FRK: variants seen among roughly 807,000 people sequenced by gnomAD.
The protein encoded by FRK is fyn related Src family tyrosine kinase, also known as tyrosine-protein kinase FRK.
Under a neutral mutation model 56.4 loss-of-function variants are expected in FRK, and 51 were observed. The observed-to-expected ratio is 0.90, with a 90% CI of 0.72 to 1.14. The LOEUF is 1.14. Ranked by LOEUF, FRK falls within the 50% of genes most tolerant of loss-of-function variation. The pLI, the probability that FRK is intolerant of heterozygous loss-of-function variation, is 0.00. For synonymous variants in FRK, 245 were observed against 217.9 expected, an observed-to-expected ratio of 1.12 and a Z score of -1.10; for missense variants, 570 against 601.4, an observed-to-expected ratio of 0.95 and a Z score of 0.55.
At position 116,013,556 on chromosome 6, in the gene FRK, C is replaced by A. The variant is rs554909871; in HGVS notation, c.345-9558G>T. ...AGTTGAAAGCTTTAATCATTAATTT[C>A]TATCTTTGTCACATCCAAAGAAAGT... On this transcript the variant is annotated intron_variant, in intron 1 of 7. Coordinates refer to ENST00000606080, the MANE Select transcript of FRK (RefSeq NM_002031.3). Among the ~76,000 whole-genome samples the A allele has an allele frequency of 5.9e-5, 9 of 152,270 alleles. No individual in the cohort carries two copies. The East Asian group carries it at 1.7e-3, about 29-fold the overall frequency.
intron 5 of FRK, among the ~76,000 whole-genome samples, chr6:115,952,882 T>A (rs1582639754): frequency 8.0e-6 from 1 of 125,146 alleles, no homozygotes; most frequent in East Asian, 2.4e-4. Flanking sequence ...TGAGAACACA[T>A]GGACACAAGA....
intron 1 of FRK, among the ~76,000 whole-genome samples, chr6:116,049,226 T>G (rs1439617360): frequency 6.6e-6 from 1 of 152,202 alleles, no homozygotes. Context: ...TTTCCAGATT[T>G]GTTTCCCATT....
intron 1 of FRK, among the ~76,000 whole-genome samples, chr6:116,022,194 G>T (rs1032797077): frequency 1.3e-5 from 2 of 151,976 alleles, no homozygotes; most frequent in Non-Finnish European, 1.5e-5. Context: ...TTCGCACAGA[G>T]AAAACTCCAT....
At chr6:116,024,365 C>A (rs1414402696) in intron 1 of FRK, among the ~76,000 whole-genome samples, 6 of 151,716 alleles carry the variant, frequency 4.0e-5, no homozygotes, top group Admixed American at 6.6e-5. Context: ...GCTGCACCCA[C>A]TAACTCGTCA....
intron 2 of FRK, among the ~76,000 whole-genome samples, chr6:115,972,540 G>T (rs775778518): frequency 2.0e-4 from 30 of 152,116 alleles, no homozygotes; most frequent in Non-Finnish European, 3.7e-4. Context: ...AAAGCAAAAT[G>T]CCATCAGCAA....
In FRK at chr6:115,932,276, G is replaced by C. The variant is rs1275068361; in HGVS notation, c.*10138C>G. On this transcript the variant is annotated 3_prime_UTR_variant, in exon 8 of 8. Transcript: ENST00000606080. The stretch of plus-strand genomic sequence containing the variant: ...GCAGAGAAAAATCTAAGAGTTTAGT[G>C]GGGGAATGTAGGCAGTAAGAGGATA... 3 of 152,100 alleles carry C rather than the reference G, an allele frequency of 2.0e-5. No individual in the cohort carries two copies. The highest frequency in any genetic ancestry group is 7.2e-5 in the African/African-American group (3 of 41,412). 9.4% of individuals were successfully genotyped at this position (152,100 alleles called of 1,614,324 possible).
chr6:115,934,748 TG>T lies in FRK; in HGVS notation c.*7665del, dbSNP rs1772014027. On this transcript the variant is annotated 3_prime_UTR_variant, in exon 8 of 8. Coordinates refer to ENST00000606080, the MANE Select transcript of FRK (RefSeq NM_002031.3). ...CAAAATATTCTGCTTTCTCATGGCTTGTTTCATTCCTATTGCTTTACACTGG... is the reference window on the plus strand; with the variant it reads ...CAAAATATTCTGCTTTCTCATGGCTTTTTCATTCCTATTGCTTTACACTGG... The T allele has an allele frequency of 6.6e-6, 1 of 152,226 alleles. No individual in the cohort carries two copies. Among genetic ancestry groups the T allele is most frequent in the Admixed American group, 6.5e-5 (1 of 15,286 alleles). The allele number at this position is 152,226 out of a possible 1,614,324, so 9.4% of individuals were successfully genotyped here.
At chr6:116,004,806 A>T (rs1009457371) in intron 1 of FRK, among the ~76,000 whole-genome samples, 1 of 152,178 alleles carries the variant, frequency 6.6e-6, no homozygotes, top group African/African-American at 2.4e-5. Context: ...AGTAGAAACC[A>T]ATGTGTTCTA....
chr6:115,956,927 A>G (rs1773020785), intron 4 of FRK, among the ~76,000 whole-genome samples: 1 of 152,218 alleles, frequency 6.6e-6, no homozygotes, highest in Non-Finnish European at 1.5e-5. Context: ...ATCTTAACAC[A>G]AAAGGAAAAC....
At chr6:116,029,243 A>G (rs1168652358) in intron 1 of FRK, among the ~76,000 whole-genome samples, 1 of 152,126 alleles carries the variant, frequency 6.6e-6, no homozygotes, top group East Asian at 1.9e-4. Flanking sequence ...AATGCTTCTC[A>G]TCTTCTAATA....
At chr6:115,953,769 T>C (rs1185510521) in intron 5 of FRK, among the ~76,000 whole-genome samples, 1 of 152,164 alleles carries the variant, frequency 6.6e-6, no homozygotes, top group African/African-American at 2.4e-5. Context: ...CAAGCTTGAC[T>C]CCAAGTCCCA....
intron 4 of FRK, among the ~76,000 whole-genome samples, chr6:115,960,047 A>G (rs1379804748): frequency 1.3e-5 from 2 of 152,166 alleles, no homozygotes; most frequent in East Asian, 1.9e-4. Flanking sequence ...AGGAGCCAAG[A>G]TGGCCGAATA....
chr6:115,986,667 G>T (rs912824071), intron 2 of FRK, among the ~76,000 whole-genome samples: 1 of 152,120 alleles, frequency 6.6e-6, no homozygotes, highest in Non-Finnish European at 1.5e-5. Flanking sequence ...TAGCAAGAAG[G>T]TTTACAGAAA....
chr6:115,985,251 C>T (rs2114647671), intron 2 of FRK, among the ~76,000 whole-genome samples: 1 of 152,204 alleles, frequency 6.6e-6, no homozygotes, highest in African/African-American at 2.4e-5. Flanking sequence ...GTTTCCAAAA[C>T]CCCACACAAA....
At chr6:116,039,809 C>A (rs1201500240) in intron 1 of FRK, among the ~76,000 whole-genome samples, 1 of 151,954 alleles carries the variant, frequency 6.6e-6, no homozygotes, top group East Asian at 1.9e-4. Flanking sequence ...GAGAAACCAT[C>A]CTCTTCCTTC....
chr6:115,953,425 G>A (rs1772863486), intron 5 of FRK, among the ~76,000 whole-genome samples: 1 of 151,824 alleles, frequency 6.6e-6, no homozygotes, highest in African/African-American at 2.4e-5. Flanking sequence ...TCCTGACCTC[G>A]TGATCCGCCC....
chr6:115,983,911 A>G (rs1011924311), intron 2 of FRK, among the ~76,000 whole-genome samples: 3 of 152,272 alleles, frequency 2.0e-5, no homozygotes, highest in East Asian at 3.9e-4. Flanking sequence ...TTCAGACCCC[A>G]TAACAGAATT....
chr6:116,095,353 A>C, the FRK span, among the ~76,000 whole-genome samples: 1 of 152,250 alleles, frequency 6.6e-6, no homozygotes, highest in Non-Finnish European at 1.5e-5. Context: ...GCCAAACCTT[A>C]AAGTATTTAC....
At chr6:115,957,150 G>GT (rs1191017989) in intron 4 of FRK, among the ~76,000 whole-genome samples, 3 of 152,050 alleles carry the variant, frequency 2.0e-5, no homozygotes, top group African/African-American at 4.8e-5. Flanking sequence ...AGTTAATGGG[G>GT]TTTTTTTCAC....
Sources: allele counts gnomAD v4.1 joint callset (sites outside exome capture counted in the v4.1 genomes callset), GRCh38; gene constraint gnomAD v4.1.1; transcripts MANE v1.5; gene names NCBI Gene and HGNC (gene_info 2026-07-23, HGNC 2026-07-21).